CDH4: variants seen among roughly 807,000 people sequenced by gnomAD.
The protein encoded by CDH4 is cadherin-4.
A neutral mutation model predicts 86.0 loss-of-function variants in CDH4; 33 were observed. That is an observed-to-expected ratio of 0.38 (90% confidence interval 0.29 to 0.51). The LOEUF is 0.51. Ranked by LOEUF, CDH4 falls within the 20% of genes least tolerant of loss-of-function variation. The pLI, the probability that CDH4 is intolerant of heterozygous loss-of-function variation, is 0.86. For missense variants in CDH4, 1,114 were observed against 1,307.4 expected (o/e 0.85, Z 2.28); for synonymous variants, 555 against 549.4 (o/e 1.01, Z -0.14).
chr20:61,380,948 T>G (rs1285310908), intron 2 of CDH4, among the ~76,000 whole-genome samples: 1 of 152,260 alleles, frequency 6.6e-6, no homozygotes, highest in East Asian at 1.9e-4. Context: ...ATAAAAATAC[T>G]GGAGTATCAT....
chr20:61,349,329 C>T (rs377475463), intron 2 of CDH4, among the ~76,000 whole-genome samples: 8 of 152,230 alleles, frequency 5.3e-5, no homozygotes, highest in South Asian at 2.1e-4. Flanking sequence ...GCCCCAGCTC[C>T]GCAGCCGGGT....
chr20:61,876,170 C>T (rs11907036), intron 7 of CDH4, among the ~76,000 whole-genome samples: 4,964 of 152,326 alleles, frequency 0.033, 129 homozygotes, highest in African/African-American at 0.063. Flanking sequence ...GGCCTGTGAG[C>T]GCCGGCACCT....
intron 2 of CDH4, among the ~76,000 whole-genome samples, chr20:61,689,583 C>T (rs528134005): frequency 0.039 from 2,335 of 60,620 alleles, 71 homozygotes; most frequent in African/African-American, 0.07. Context: ...ATGTGGATTC[C>T]GGCGGGGACA....
At chr20:61,263,082 A>G (rs1425913252) in intron 2 of CDH4, among the ~76,000 whole-genome samples, 1 of 152,150 alleles carries the variant, frequency 6.6e-6, no homozygotes, top group Admixed American at 6.5e-5. Context: ...AAAAAATACC[A>G]TAAGCCGAAT....
chr20:61,486,981 C>G lies in CDH4; in HGVS notation c.169+232044C>G, dbSNP rs185909258. Among the ~76,000 whole-genome samples, 74 of 152,232 alleles carry G rather than the reference C, an allele frequency of 4.9e-4. 1 individual carries two copies. The Middle Eastern group carries it at 0.02, about 42-fold the overall frequency. On this transcript the variant is annotated intron_variant, in intron 2 of 15. Transcript: ENST00000614565. ...AGGTACTGTTTTATTCTCGTGTGTA[C>G]CCAGTGGTGCCTGGCAGAGGAAGGG...
At chr20:61,498,428 C>G (rs1600713468) in intron 2 of CDH4, among the ~76,000 whole-genome samples, 1 of 152,228 alleles carries the variant, frequency 6.6e-6, no homozygotes. Context: ...ACACTCAGAT[C>G]AGAGACAAAC....
intron 2 of CDH4, among the ~76,000 whole-genome samples, chr20:61,644,512 C>T (rs566132427): frequency 6.6e-6 from 1 of 152,312 alleles, no homozygotes; most frequent in African/African-American, 2.4e-5. Context: ...GCCACAGAGC[C>T]CCCGCTTTGA....
chr20:61,282,084 C>T (rs973234766), intron 2 of CDH4, among the ~76,000 whole-genome samples: 4 of 152,160 alleles, frequency 2.6e-5, no homozygotes, highest in African/African-American at 9.7e-5. Context: ...CACGGCTGGG[C>T]ATGGTGGCTC....
chr20:61,719,007 T>C (rs1379190828), intron 2 of CDH4: 1 of 471,206 alleles, frequency 2.1e-6, no homozygotes, highest in East Asian at 7.0e-5. Context: ...ACACTCAGCA[T>C]CACGAGTGGC....
At chr20:61,615,320 C>T (rs7265549) in intron 2 of CDH4, among the ~76,000 whole-genome samples, 1,550 of 152,168 alleles carry the variant, frequency 0.01, 24 homozygotes, top group African/African-American at 0.018. Flanking sequence ...TGTGGTTTCA[C>T]GATGTTGGCC....
intron 2 of CDH4, among the ~76,000 whole-genome samples, chr20:61,594,110 G>T (rs1477396754): frequency 1.1e-5 from 1 of 93,198 alleles, no homozygotes; most frequent in African/African-American, 4.5e-5. Flanking sequence ...AGGGGGAAGG[G>T]GGTCAGGGCA....
chr20:61,344,204 G>A (rs951159910), intron 2 of CDH4, among the ~76,000 whole-genome samples: 13 of 152,210 alleles, frequency 8.5e-5, no homozygotes, highest in African/African-American at 3.1e-4. Flanking sequence ...GGGCCTGCGG[G>A]GGTTGATACT....
intron 2 of CDH4, among the ~76,000 whole-genome samples, chr20:61,738,051 T>C (rs2088286842): frequency 6.6e-6 from 1 of 152,082 alleles, no homozygotes; most frequent in African/African-American, 2.4e-5. Context: ...ACAGCAGGTG[T>C]TCCCCTCCCC....
At chr20:61,502,632 G>A (rs929408251) in intron 2 of CDH4, among the ~76,000 whole-genome samples, 1 of 152,182 alleles carries the variant, frequency 6.6e-6, no homozygotes, top group African/African-American at 2.4e-5. Flanking sequence ...CAATTTGTCA[G>A]TGTTGGTGAG....
chr20:61,828,349 C>T (rs917381848), intron 4 of CDH4, among the ~76,000 whole-genome samples: 3 of 152,228 alleles, frequency 2.0e-5, no homozygotes, highest in African/African-American at 7.2e-5. Flanking sequence ...GCCTCTGGAT[C>T]TTACCACCAT....
At chr20:61,789,317 A>T (rs1022479991) in intron 4 of CDH4, among the ~76,000 whole-genome samples, 1 of 152,202 alleles carries the variant, frequency 6.6e-6, no homozygotes, top group African/African-American at 2.4e-5. Context: ...TGAGAAGCTG[A>T]TTTCATTTTC....
intron 13 of CDH4, among the ~76,000 whole-genome samples, 183 bp from the exon 14 acceptor site, chr20:61,932,802 C>T (rs1434798401): frequency 6.6e-6 from 1 of 152,246 alleles, no homozygotes; most frequent in African/African-American, 2.4e-5. Context: ...TGTGTCCTTG[C>T]ACATCCAGGC....
intron 8 of CDH4, among the ~76,000 whole-genome samples, chr20:61,908,820 C>T (rs1173109831): frequency 6.6e-6 from 1 of 152,168 alleles, no homozygotes; most frequent in Non-Finnish European, 1.5e-5. Context: ...CATGGGAGGC[C>T]GGGGAAGGAC....
intron 9 of CDH4, among the ~76,000 whole-genome samples, chr20:61,917,367 G>A (rs562233334): frequency 6.6e-6 from 1 of 152,366 alleles, no homozygotes; most frequent in Non-Finnish European, 1.5e-5. Context: ...CCCAGGTCCA[G>A]GCTCATCCCA....
Sources: allele counts gnomAD v4.1 joint callset (sites outside exome capture counted in the v4.1 genomes callset), GRCh38; gene constraint gnomAD v4.1.1; transcripts MANE v1.5; gene names NCBI Gene and HGNC (gene_info 2026-07-23, HGNC 2026-07-21).